Variants in DPF3 observed in about 807,000 individuals in gnomAD.
DPF3 encodes the protein double PHD fingers 3.
A neutral mutation model predicts 56.8 loss-of-function variants in DPF3; 18 were observed. The observed-to-expected ratio is 0.32, with a 90% CI of 0.22 to 0.47. The LOEUF (loss-of-function observed/expected upper bound fraction) is 0.47, where lower values mean the gene tolerates loss of function less well. Among genes scored for constraint, DPF3 ranks in the 20% least tolerant of loss-of-function variants. The pLI is 1.00. For synonymous variants in DPF3, 188 were observed against 180.2 expected (o/e 1.04, Z -0.35); for missense variants, 403 against 488.8 (o/e 0.82, Z 1.65).
At chr14:72,884,595 A>G (rs1886441977) in intron 1 of DPF3, among the ~76,000 whole-genome samples, 1 of 151,788 alleles carries the variant, frequency 6.6e-6, no homozygotes, top group Non-Finnish European at 1.5e-5. Flanking sequence ...GGCTGTTTGG[A>G]AGGACAGGCC....
chr14:72,846,481 GC>G (rs1884765855), intron 1 of DPF3, among the ~76,000 whole-genome samples: 1 of 151,884 alleles, frequency 6.6e-6, no homozygotes, highest in Non-Finnish European at 1.5e-5. Flanking sequence ...GACTACAGGC[GC>G]CCGCCACCAC....
intron 7 of DPF3, among the ~76,000 whole-genome samples, chr14:72,691,575 A>C (rs1033982566): frequency 6.6e-6 from 1 of 152,034 alleles, no homozygotes; most frequent in African/African-American, 2.4e-5. Context: ...AAAAATACAA[A>C]AATTAGCTGG....
intron 6 of DPF3, among the ~76,000 whole-genome samples, chr14:72,700,404 C>T (rs948711540): frequency 1.7e-4 from 26 of 152,192 alleles, no homozygotes; most frequent in African/African-American, 6.3e-4. Context: ...CTACAAATCA[C>T]GTAGCCAGTT....
In DPF3 at chr14:72,635,041, C is replaced by T. The variant is rs553973850; in HGVS notation, c.872-5305G>A. 2.6e-5 allele frequency among the ~76,000 whole-genome samples: 4 copies of T among 152,260 alleles called. No homozygotes were observed. The East Asian group carries it at 7.7e-4, about 29-fold the overall frequency. Reference sequence around the variant, plus strand: ...CTTATTGAGCTGGGTCAGTGGTGAACTTGGTGTGAAGAGCCATTCCTGATT... The same window carrying T: ...CTTATTGAGCTGGGTCAGTGGTGAATTTGGTGTGAAGAGCCATTCCTGATT... On this transcript the variant is annotated intron_variant, in intron 8 of 10. Transcript: ENST00000556509.
intron 2 of DPF3, among the ~76,000 whole-genome samples, chr14:72,760,425 GC>G (rs1891023257): frequency 6.6e-6 from 1 of 152,120 alleles, no homozygotes; most frequent in East Asian, 1.9e-4. Context: ...ATTACATTAG[GC>G]CCACCTGGAT....
chr14:72,856,185 G>C (rs1263570465), intron 1 of DPF3, among the ~76,000 whole-genome samples: 1 of 152,216 alleles, frequency 6.6e-6, no homozygotes, highest in Non-Finnish European at 1.5e-5. Flanking sequence ...TTCCACCCCA[G>C]ACACAGTATC....
chr14:72,741,771 C>T (rs1247722860), intron 3 of DPF3, among the ~76,000 whole-genome samples: 1 of 152,258 alleles, frequency 6.6e-6, no homozygotes, highest in African/African-American at 2.4e-5. Flanking sequence ...AAGTTGTCCA[C>T]CTCCCAGTGG....
intron 1 of DPF3, among the ~76,000 whole-genome samples, chr14:72,880,445 T>C (rs981729973): frequency 6.6e-6 from 1 of 152,224 alleles, no homozygotes; most frequent in Non-Finnish European, 1.5e-5. Flanking sequence ...GTGGACAAGC[T>C]AGTTCTGAAA....
At chr14:72,682,612 C>G (rs995748296) in intron 7 of DPF3, among the ~76,000 whole-genome samples, 2 of 152,216 alleles carry the variant, frequency 1.3e-5, no homozygotes, top group South Asian at 2.1e-4. Context: ...CACCACTGAA[C>G]TCTGTCTGCA....
chr14:72,613,563 G>A lies in DPF3; in HGVS notation c.*5734C>T, dbSNP rs551176087. On this transcript the variant is annotated 3_prime_UTR_variant, in exon 11 of 11. Transcript: ENST00000556509. ...TGGCACTGGAGCAGAGAAAGGGAAG[G>A]AGTGGGGACAGAAGCTGGAACAAAG... Among the ~76,000 whole-genome samples, 9 of 152,346 alleles carry A rather than the reference G, an allele frequency of 5.9e-5. No individual in the cohort carries two copies. The South Asian group carries it at 1.9e-3, about 32-fold the overall frequency.
intron 9 of DPF3, among the ~76,000 whole-genome samples, chr14:72,620,358 T>C (rs769321952): frequency 1.3e-5 from 2 of 152,248 alleles, no homozygotes; most frequent in Non-Finnish European, 2.9e-5. Context: ...TCCATGACTT[T>C]ATATATTTGA....
At chr14:72,817,776 AGG>A (rs1260249316) in intron 1 of DPF3, among the ~76,000 whole-genome samples, 1 of 152,240 alleles carries the variant, frequency 6.6e-6, no homozygotes, top group Non-Finnish European at 1.5e-5. Context: ...TGGAATTTCT[AGG>A]CTACATAGCA....
At chr14:72,673,196 A>G (rs917963058) in intron 8 of DPF3, among the ~76,000 whole-genome samples, 2 of 152,220 alleles carry the variant, frequency 1.3e-5, no homozygotes, top group African/African-American at 4.8e-5. Context: ...AGGTTTGCAG[A>G]CAGAGCAAGG....
Position 72,773,653 on chromosome 14 carries a change from C to T in DPF3, c.33-1760G>A, listed in dbSNP as rs1401866964. Among the ~76,000 whole-genome samples, 3 of 152,196 alleles carry T rather than the reference C, an allele frequency of 2.0e-5. No individual in the cohort carries two copies. The East Asian group carries it at 5.8e-4, about 29-fold the overall frequency. On this transcript the variant is annotated intron_variant, in intron 1 of 10. Coordinates refer to ENST00000556509, the MANE Select transcript of DPF3 (RefSeq NM_001280542.3). ...CTCTGCCCCCATCTCCAGCAACTAC[C>T]AATCTGCTTTCTATCTCTATGATTC... is the stretch of plus-strand genomic sequence containing the variant.
At chr14:72,893,666 C>T (rs936031191) in intron 1 of DPF3, among the ~76,000 whole-genome samples, 6 of 151,862 alleles carry the variant, frequency 4.0e-5, no homozygotes, top group African/African-American at 1.5e-4. Flanking sequence ...CCGACGCTCG[C>T]CCCCCGCCCA....
intron 5 of DPF3, among the ~76,000 whole-genome samples, chr14:72,718,522 G>A (rs573126808): frequency 1.1e-4 from 16 of 152,270 alleles, no homozygotes; most frequent in South Asian, 2.1e-4. Flanking sequence ...GACACGTGAC[G>A]ATGCTGTCAC....
chr14:72,828,811 C>T (rs558173821), intron 1 of DPF3, among the ~76,000 whole-genome samples: 31 of 152,252 alleles, frequency 2.0e-4, no homozygotes, highest in African/African-American at 7.2e-4. Flanking sequence ...AGGTGGGTGA[C>T]GTGATCAGAT....
At chr14:72,875,911 C>T (rs1397172387) in intron 1 of DPF3, among the ~76,000 whole-genome samples, 1 of 152,224 alleles carries the variant, frequency 6.6e-6, no homozygotes, top group South Asian at 2.1e-4. Context: ...TGCAGCCTCA[C>T]TCTCCCCTAT....
At chr14:72,678,500 T>C (rs1887011971) in intron 7 of DPF3, among the ~76,000 whole-genome samples, 1 of 152,228 alleles carries the variant, frequency 6.6e-6, no homozygotes, top group Non-Finnish European at 1.5e-5. Context: ...CAGAGGCTCA[T>C]GAAGGAATTT....
Sources: gnomAD v4.1 joint callset for allele counts (sites outside exome capture counted in the v4.1 genomes callset) on GRCh38, gnomAD v4.1.1 for gene constraint, MANE v1.5 for transcripts, NCBI Gene and HGNC (gene_info 2026-07-23, HGNC 2026-07-21) for gene names.